TRHDE: variants seen among roughly 807,000 people sequenced by gnomAD.
The protein encoded by TRHDE is thyrotropin-releasing hormone-degrading ectoenzyme.
Under a neutral mutation model 125.7 loss-of-function variants are expected in TRHDE, and 72 were observed. The ratio of observed to expected loss-of-function variants is 0.57; its 90% CI spans 0.47 to 0.70. The LOEUF (loss-of-function observed/expected upper bound fraction) is 0.70. Among genes scored for constraint, TRHDE ranks in the 30% least tolerant of loss-of-function variants. TRHDE has a pLI of 0.00. For missense variants in TRHDE, 1,110 were observed against 1,327.1 expected (o/e 0.84, Z 2.54); for synonymous variants, 509 against 509.1 (o/e 1.00, Z 0.00).
At chr12:72,166,984 G>A (rs928407391) in intron 2 of TRHDE, among the ~76,000 whole-genome samples, 2 of 150,704 alleles carry the variant, frequency 1.3e-5, no homozygotes, top group African/African-American at 2.4e-5. Context: ...AATGGCTAAG[G>A]GTTGGAAAGA....
At position 72,667,573 on chromosome 12, in the gene TRHDE, T is replaced by C. The variant is rs928168186; in HGVS notation, c.*4378T>C. 6.6e-6 allele frequency: 1 copy of C among 151,612 alleles called. No individual in the cohort carries two copies. The highest frequency in any genetic ancestry group is 1.5e-5 in the Non-Finnish European group (1 of 67,758). 9.4% of individuals were successfully genotyped at this position (151,612 alleles called of 1,614,324 possible). On this transcript the variant is annotated 3_prime_UTR_variant, in exon 19 of 19. Coordinates refer to ENST00000261180, the MANE Select transcript of TRHDE (RefSeq NM_013381.3). ...ATAAATGAAAAAGAAAAAGAAATAA[T>C]GAACCAAGGGAATGAGGGCAACAGG...
intron 6 of TRHDE, among the ~76,000 whole-genome samples, chr12:72,520,048 G>C (rs927283483): frequency 1.3e-5 from 2 of 152,186 alleles, no homozygotes; most frequent in Admixed American, 6.5e-5. Context: ...CTTCAAAGCT[G>C]TCAGACAGGG....
chr12:72,239,476 A>C (rs1040091003), intron 2 of TRHDE, among the ~76,000 whole-genome samples: 1 of 152,052 alleles, frequency 6.6e-6, no homozygotes, highest in Admixed American at 6.5e-5. Context: ...CTATGTCCTG[A>C]ATGGTATTGC....
intron 3 of TRHDE, among the ~76,000 whole-genome samples, chr12:72,454,421 C>G (rs1875738031): frequency 6.6e-6 from 1 of 151,708 alleles, no homozygotes; most frequent in Admixed American, 6.6e-5. Context: ...TGTCCTTTTC[C>G]CTTGAAAGTG....
intron 13 of TRHDE, among the ~76,000 whole-genome samples, chr12:72,619,662 A>G (rs1872963596): frequency 6.6e-6 from 1 of 152,208 alleles, no homozygotes; most frequent in Non-Finnish European, 1.5e-5. Context: ...ATCTGATTTA[A>G]TAATCATTTT....
intron 3 of TRHDE, among the ~76,000 whole-genome samples, chr12:72,466,196 T>G (rs1876365003): frequency 6.6e-6 from 1 of 152,242 alleles, no homozygotes; most frequent in Non-Finnish European, 1.5e-5. Context: ...GCTTTTGCTA[T>G]CTGACAACTG....
intron 1 of TRHDE, among the ~76,000 whole-genome samples, chr12:72,277,910 A>C (rs1434163866): frequency 6.6e-6 from 1 of 152,180 alleles, no homozygotes; most frequent in Admixed American, 6.5e-5. Context: ...TAGTTAATTA[A>C]CAAATGCATC....
chr12:72,581,873 T>C (rs1381697775), intron 12 of TRHDE, among the ~76,000 whole-genome samples: 1 of 151,356 alleles, frequency 6.6e-6, no homozygotes, highest in South Asian at 2.1e-4. Flanking sequence ...GAGGCCGAGG[T>C]GGGCAGATCA....
intron 2 of TRHDE, among the ~76,000 whole-genome samples, chr12:72,191,252 A>G (rs2139348832): frequency 6.6e-6 from 1 of 152,188 alleles, no homozygotes; most frequent in South Asian, 2.1e-4. Context: ...TGGAACTGGG[A>G]GCTGTTGCAG....
At chr12:72,604,381 A>G (rs533371530) in intron 12 of TRHDE, among the ~76,000 whole-genome samples, 1 of 152,028 alleles carries the variant, frequency 6.6e-6, no homozygotes, top group Admixed American at 6.6e-5. Context: ...AAAACTGTCA[A>G]TTTTGAAGAA....
intron 12 of TRHDE, among the ~76,000 whole-genome samples, chr12:72,596,563 T>C (rs1871949419): frequency 6.6e-6 from 1 of 152,156 alleles, no homozygotes; most frequent in African/African-American, 2.4e-5. Flanking sequence ...TATTGGGTGG[T>C]TTAAATACAA....
chr12:72,536,079 A>C (rs1239412511), intron 6 of TRHDE, among the ~76,000 whole-genome samples: 1 of 152,124 alleles, frequency 6.6e-6, no homozygotes, highest in African/African-American at 2.4e-5. Flanking sequence ...CTTGTGCTGG[A>C]GGAGAGCAAA....
At chr12:72,454,814 A>G (rs1194552646) in intron 3 of TRHDE, among the ~76,000 whole-genome samples, 1 of 152,222 alleles carries the variant, frequency 6.6e-6, no homozygotes, top group Non-Finnish European at 1.5e-5. Flanking sequence ...CTGTTGATTC[A>G]TGAACCACAC....
chr12:72,527,635 G>A lies in TRHDE; in HGVS notation c.1723-14656G>A, dbSNP rs147708695. 3.1e-3 allele frequency among the ~76,000 whole-genome samples: 460 copies of A among 150,460 alleles called. 1 individual carries two copies. The highest frequency in any genetic ancestry group is 0.011 in the African/African-American group (441 of 41,146). On this transcript the variant is annotated intron_variant, in intron 6 of 18. Coordinates refer to ENST00000261180, the MANE Select transcript of TRHDE (RefSeq NM_013381.3). ...AGCCAGAGTCTGAGGGAGAGATTAC[G>A]AAGAAGAGACAGATTCAAGAAAATA... is the stretch of plus-strand genomic sequence containing the variant.
At chr12:72,371,929 A>G (rs999669951) in intron 2 of TRHDE, among the ~76,000 whole-genome samples, 7 of 152,194 alleles carry the variant, frequency 4.6e-5, no homozygotes, top group African/African-American at 1.7e-4. Flanking sequence ...GCTGGGTCAA[A>G]TGGTATTTCT....
intron 2 of TRHDE, among the ~76,000 whole-genome samples, chr12:72,185,123 C>G (rs931983678): frequency 6.6e-6 from 1 of 152,078 alleles, no homozygotes; most frequent in East Asian, 2.0e-4. Context: ...TTGGCGGGCC[C>G]GCACTCGCAC....
chr12:72,142,413 G>A (rs1445005663), intron 2 of TRHDE, among the ~76,000 whole-genome samples: 1 of 152,236 alleles, frequency 6.6e-6, no homozygotes, highest in Admixed American at 6.5e-5. Flanking sequence ...TTCTTCTAAG[G>A]AGGCAAGGGC....
intron 6 of TRHDE, among the ~76,000 whole-genome samples, chr12:72,511,949 T>C (rs1878598183): frequency 6.6e-6 from 1 of 152,158 alleles, no homozygotes; most frequent in African/African-American, 2.4e-5. Context: ...CTTGTTATCC[T>C]CTCTTGTCCC....
chr12:72,317,128 G>A (rs947288084), intron 2 of TRHDE, among the ~76,000 whole-genome samples: 8 of 152,100 alleles, frequency 5.3e-5, no homozygotes, highest in Non-Finnish European at 1.2e-4. Context: ...GACAGTCTTA[G>A]AAAGTTAAAA....
Sources: allele counts gnomAD v4.1 joint callset (sites outside exome capture counted in the v4.1 genomes callset), GRCh38; gene constraint gnomAD v4.1.1; transcripts MANE v1.5; gene names NCBI Gene and HGNC (gene_info 2026-07-23, HGNC 2026-07-21).